Variants in GALNT11 observed in about 807,000 individuals in gnomAD.
GALNT11 encodes the protein polypeptide N-acetylgalactosaminyltransferase 11.
GALNT11 carries 47 observed loss-of-function variants against 72.7 expected under a neutral mutation model. That is an observed-to-expected ratio of 0.65 (90% CI 0.51 to 0.82). The LOEUF (loss-of-function observed/expected upper bound fraction) is 0.82. Among genes scored for constraint, GALNT11 ranks in the 40% least tolerant of loss-of-function variants. The pLI is 0.00. For synonymous variants in GALNT11, 270 were observed against 286.6 expected (o/e 0.94, Z 0.58); for missense variants, 677 against 778.4 (o/e 0.87, Z 1.55).
At chr7:152,116,331 A>G (rs954435748) in intron 8 of GALNT11, among the ~76,000 whole-genome samples, 1 of 151,754 alleles carries the variant, frequency 6.6e-6, no homozygotes, top group Non-Finnish European at 1.5e-5. Context: ...ATTCACTGCA[A>G]CCTCCACCTC....
intron 1 of GALNT11, among the ~76,000 whole-genome samples, chr7:152,032,457 C>T (rs1290171250): frequency 3.3e-5 from 5 of 152,208 alleles, no homozygotes; most frequent in Admixed American, 3.3e-4. Flanking sequence ...AGAGGAATTA[C>T]TGCCTCACTG....
At chr7:152,081,145 T>C (rs2085301807) in intron 1 of GALNT11, among the ~76,000 whole-genome samples, 1 of 152,212 alleles carries the variant, frequency 6.6e-6, no homozygotes, top group African/African-American at 2.4e-5. Flanking sequence ...TTAAGATTTC[T>C]GAAAAATGTT....
intron 1 of GALNT11, among the ~76,000 whole-genome samples, chr7:152,076,688 G>A (rs1193008708): frequency 6.6e-6 from 1 of 152,192 alleles, no homozygotes; most frequent in Non-Finnish European, 1.5e-5. Context: ...GGCTTCAGAA[G>A]CCAGAGATAC....
chr7:152,041,544 G>T (rs1232592605), intron 1 of GALNT11, among the ~76,000 whole-genome samples: 1 of 152,226 alleles, frequency 6.6e-6, no homozygotes. Context: ...TCTAAGTCCA[G>T]CTCTTGGACA....
At position 152,072,870 on chromosome 7, in the gene GALNT11, C is replaced by T. The variant is rs56004146; in HGVS notation, c.-38-21320C>T. Among the ~76,000 whole-genome samples, 640 of 152,320 alleles carry T rather than the reference C, an allele frequency of 4.2e-3. 3 individuals carry two copies. Among genetic ancestry groups the T allele is most frequent in the Middle Eastern group, 0.02 (6 of 294 alleles). On this transcript the variant is annotated intron_variant, in intron 1 of 11. Transcript: ENST00000430044. ...TGTGTGCTTGTGGCAGGATTGCTGA[C>T]GGGCACCACCCTTTCTGCAGAGAGT...
intron 1 of GALNT11, among the ~76,000 whole-genome samples, chr7:152,046,647 A>G (rs1236917071): frequency 6.6e-6 from 1 of 152,130 alleles, no homozygotes; most frequent in African/African-American, 2.4e-5. Flanking sequence ...TGCATGGAAT[A>G]TCTTTTTTCA....
At position 152,118,763 on chromosome 7, in the gene GALNT11, A is replaced by G; in HGVS notation, c.1538A>G (p.Asp513Gly). The change falls in exon 10 of 12, where the codon GAC becomes GGC. Residue 513 changes from aspartate to glycine, a missense_variant. Physicochemically the swap from Asp to Gly is moderately conservative, Grantham distance 94. Coordinates refer to ENST00000430044, the MANE Select transcript of GALNT11 (RefSeq NM_022087.4). ...KGGLVVLKAC[D>G]YSDPNQIWIY... ...GGTCTCGTGGTGCTTAAGGCCTGTGACTACAGTGACCCAAATCAGGTGAGT... is the reference window on the plus strand; with the variant it reads ...GGTCTCGTGGTGCTTAAGGCCTGTGGCTACAGTGACCCAAATCAGGTGAGT... 6.2e-7 allele frequency: 1 copy of G among 1,606,994 alleles called. No homozygotes were observed. The highest frequency in any genetic ancestry group is 1.7e-4 in the Middle Eastern group (1 of 6,036).
chr7:152,118,929 G>A (rs188318156), intron 10 of GALNT11, 147 bp downstream of exon 10: 5 of 569,382 alleles, frequency 8.8e-6, no homozygotes, highest in Admixed American at 8.1e-5. Context: ...TTATTGGAAC[G>A]CTAAGCTTAT....
At chr7:152,096,694 G>A (rs181882495) in intron 2 of GALNT11, among the ~76,000 whole-genome samples, 17 of 137,808 alleles carry the variant, frequency 1.2e-4, no homozygotes, top group East Asian at 4.2e-4. Flanking sequence ...TAGCCTGGGC[G>A]ACAGAGCAAG....
intron 1 of GALNT11, among the ~76,000 whole-genome samples, chr7:152,060,798 T>G (rs140142154): frequency 0.012 from 1,786 of 152,308 alleles, 35 homozygotes; most frequent in African/African-American, 0.041. Flanking sequence ...ACAAAGGACA[T>G]GAACTCACCC....
chr7:152,117,366 A>G lies in GALNT11; in HGVS notation c.1443A>G (p.Gln481=), dbSNP rs915643328. 4 of 1,614,198 alleles carry G rather than the reference A, an allele frequency of 2.5e-6. No homozygotes were observed. The highest frequency in any genetic ancestry group is 2.5e-6 in the Non-Finnish European group (3 of 1,180,030). Residue 481 remains glutamine, a synonymous_variant, in exon 9 of 12, where the codon CAA becomes CAG. Coordinates refer to ENST00000430044, the MANE Select transcript of GALNT11 (RefSeq NM_022087.4). The part of the protein sequence containing the change: ...NRGPKRPKVL[Q]RGRLYHLQTN... Reference sequence around the variant, plus strand: ...GGCCAAAACGACCCAAAGTCCTTCAACGTGGAAGGGTAAGAAAGCTGTTTT... The same window carrying G: ...GGCCAAAACGACCCAAAGTCCTTCAGCGTGGAAGGGTAAGAAAGCTGTTTT...
chr7:152,096,102 A>G (rs1216712995), intron 2 of GALNT11, among the ~76,000 whole-genome samples: 1 of 152,232 alleles, frequency 6.6e-6, no homozygotes, highest in East Asian at 1.9e-4. Flanking sequence ...ACTGTAAAAC[A>G]TTGCTGAAAG....
Position 152,098,985 on chromosome 7 carries a change from C to T in GALNT11, c.296-1813C>T, listed in dbSNP as rs28653408. ...TTGAGACAGAGTTTTGCTTTTGTCA[C>T]CCAGGCTGGAGTACAGTGGCATGAT... On this transcript the variant is annotated intron_variant, in intron 2 of 11. Coordinates refer to ENST00000430044, the MANE Select transcript of GALNT11 (RefSeq NM_022087.4). Among the ~76,000 whole-genome samples the T allele has an allele frequency of 2.7e-3, 418 of 152,266 alleles. 3 individuals carry two copies. The highest frequency in any genetic ancestry group is 9.9e-3 in the African/African-American group (411 of 41,546).
rs757331222 is a variant in GALNT11, at chr7:152,121,701, T to TG, written c.*25dup. 1.1e-5 allele frequency: 17 copies of TG among 1,606,216 alleles called. No individual in the cohort carries two copies. In the African/African-American group the frequency reaches 2.1e-4, roughly 20 times the overall value. ...AAGGTGGATGCTGTGGTGGGAACGT[T>TG]GCTTCATCAGGCGTTGCCTCCGGTG... On this transcript the variant is annotated 3_prime_UTR_variant, in exon 12 of 12. Transcript: ENST00000430044.
intron 6 of GALNT11, among the ~76,000 whole-genome samples, chr7:152,108,690 C>T (rs1391593332): frequency 6.6e-6 from 1 of 152,160 alleles, no homozygotes; most frequent in African/African-American, 2.4e-5. Flanking sequence ...CCTTTTCTTT[C>T]ATTAGGATTT....
At chr7:152,104,315 G>A (rs1321725617) in intron 4 of GALNT11, 2 of 152,194 alleles carry the variant, frequency 1.3e-5, no homozygotes, top group East Asian at 3.8e-4. Flanking sequence ...ACAGGTGTAT[G>A]CCAGTGACTT....
intron 1 of GALNT11, among the ~76,000 whole-genome samples, chr7:152,064,971 C>G (rs1587108573): frequency 6.6e-6 from 1 of 152,126 alleles, no homozygotes; most frequent in Non-Finnish European, 1.5e-5. Context: ...GTGGCGTTCT[C>G]TGTATTTCCT....
Position 152,121,583 on chromosome 7 carries a change from G to A in GALNT11, c.1733G>A (p.Cys578Tyr), listed in dbSNP as rs1587528551. Residue 578 changes from cysteine to tyrosine, a missense_variant, in exon 12 of 12, where the codon TGC (cysteine) becomes TAC (tyrosine). Transcript: ENST00000430044. ...CTATACCAGGTGTCGGTTGGACAGT[G>A]CCTGAGAGCAGTGGATCCCCTGGGT... ...NRLYQVSVGQCLRAVDPLGQK... is the reference protein window; with the variant it reads ...NRLYQVSVGQYLRAVDPLGQK... 3 of 1,614,054 alleles carry A rather than the reference G, an allele frequency of 1.9e-6. No individual in the cohort carries two copies. The highest frequency in any genetic ancestry group is 2.2e-5 in the East Asian group (1 of 44,898).
intron 1 of GALNT11, among the ~76,000 whole-genome samples, chr7:152,050,674 C>G (rs1313863005): frequency 1.3e-5 from 2 of 152,158 alleles, no homozygotes; most frequent in Non-Finnish European, 2.9e-5. Flanking sequence ...TGGCTCCAAG[C>G]CCAGCCCAGC....
Sources: gnomAD v4.1 joint callset for allele counts (sites outside exome capture counted in the v4.1 genomes callset) on GRCh38, gnomAD v4.1.1 for gene constraint, MANE v1.5 for transcripts, NCBI Gene and HGNC (gene_info 2026-07-23, HGNC 2026-07-21) for gene names.